Variants in ZNF827 observed in about 807,000 individuals in gnomAD.
ZNF827 encodes the protein zinc finger protein 827.
ZNF827 carries 13 observed loss-of-function variants against 102.4 expected under a neutral mutation model. The observed-to-expected ratio is 0.13, with a 90% CI of 0.08 to 0.20. ZNF827 has a LOEUF of 0.20. Among genes scored for constraint, ZNF827 ranks in the 10% least tolerant of loss-of-function variants. ZNF827 has a pLI of 1.00. For missense variants in ZNF827, 1,103 were observed against 1,344.4 expected (o/e 0.82, Z 2.81); for synonymous variants, 523 against 536.2 (o/e 0.98, Z 0.34).
chr4:145,768,901 A>T (rs1242690672), intron 11 of ZNF827, among the ~76,000 whole-genome samples: 1 of 26,440 alleles, frequency 3.8e-5, no homozygotes, highest in African/African-American at 1.1e-4. Context: ...ATATATATAT[A>T]TATATATATA....
At chr4:145,803,195 G>A (rs1741086227) in intron 8 of ZNF827, among the ~76,000 whole-genome samples, 1 of 151,936 alleles carries the variant, frequency 6.6e-6, no homozygotes, top group Non-Finnish European at 1.5e-5. Context: ...CTGTATCTGG[G>A]TTTTCTTCAA....
chr4:145,900,391 A>G (rs1038967204), intron 2 of ZNF827, among the ~76,000 whole-genome samples: 10 of 152,032 alleles, frequency 6.6e-5, no homozygotes, highest in African/African-American at 1.9e-4. Flanking sequence ...TGCAGAATAT[A>G]CATATATATA....
At chr4:145,818,164 C>G (rs1405324636) in intron 8 of ZNF827, among the ~76,000 whole-genome samples, 1 of 152,140 alleles carries the variant, frequency 6.6e-6, no homozygotes, top group Non-Finnish European at 1.5e-5. Context: ...ATGCCAACAG[C>G]TGCGGTAAAT....
At chr4:145,925,434 G>C (rs1252029745) in intron 1 of ZNF827, among the ~76,000 whole-genome samples, 3 of 152,140 alleles carry the variant, frequency 2.0e-5, no homozygotes. Context: ...CCATCTAACT[G>C]ATAGTATATG....
At chr4:145,878,240 T>C (rs1268209396) in intron 4 of ZNF827, among the ~76,000 whole-genome samples, 1 of 152,168 alleles carries the variant, frequency 6.6e-6, no homozygotes, top group South Asian at 2.1e-4. Context: ...AGTGTGACTT[T>C]GTAGCTCCTC....
chr4:145,829,696 T>C (rs1475772017), intron 7 of ZNF827, among the ~76,000 whole-genome samples: 1 of 152,212 alleles, frequency 6.6e-6, no homozygotes, highest in Non-Finnish European at 1.5e-5. Flanking sequence ...GTGTTCTTTC[T>C]CTAACCACTA....
intron 2 of ZNF827, among the ~76,000 whole-genome samples, chr4:145,901,269 T>C (rs1751387847): frequency 6.6e-6 from 1 of 152,220 alleles, no homozygotes; most frequent in South Asian, 2.1e-4. Context: ...CAGGATATCC[T>C]TAAGAGACAT....
chr4:145,785,124 T>G (rs1738658043), intron 8 of ZNF827, among the ~76,000 whole-genome samples: 1 of 152,212 alleles, frequency 6.6e-6, no homozygotes, highest in South Asian at 2.1e-4. Context: ...CCTTACAGTA[T>G]GGCTAGAAAA....
intron 3 of ZNF827, among the ~76,000 whole-genome samples, chr4:145,887,611 G>A (rs1012527121): frequency 3.3e-5 from 5 of 152,140 alleles, no homozygotes; most frequent in African/African-American, 1.2e-4. Context: ...TCCCTCTGCT[G>A]GGGTGGAGTG....
intron 8 of ZNF827, among the ~76,000 whole-genome samples, chr4:145,815,544 G>A (rs1044263251): frequency 1.3e-5 from 2 of 152,164 alleles, no homozygotes; most frequent in Non-Finnish European, 2.9e-5. Context: ...AATGAAAATA[G>A]ATGGTCTAGT....
intron 1 of ZNF827, among the ~76,000 whole-genome samples, chr4:145,908,093 A>C (rs1326052219): frequency 6.6e-6 from 1 of 152,210 alleles, no homozygotes; most frequent in Non-Finnish European, 1.5e-5. Context: ...TTTTAATCAG[A>C]TGCATTTAAT....
intron 5 of ZNF827, among the ~76,000 whole-genome samples, chr4:145,855,807 TC>T (rs1747039382): frequency 1.3e-5 from 2 of 152,276 alleles, no homozygotes; most frequent in East Asian, 3.9e-4. Context: ...CCTGAAGCCA[TC>T]CCCTCACCCT....
chr4:145,877,581 G>A (rs1310049350), intron 4 of ZNF827, among the ~76,000 whole-genome samples: 1 of 152,054 alleles, frequency 6.6e-6, no homozygotes, highest in Non-Finnish European at 1.5e-5. Context: ...ATCCCCACCT[G>A]AGCTAATCCT....
chr4:145,779,108 T>G (rs76834504), intron 9 of ZNF827, among the ~76,000 whole-genome samples: 1 of 152,226 alleles, frequency 6.6e-6, no homozygotes, highest in Admixed American at 6.5e-5. Context: ...ACATTTTTTT[T>G]AACAGAGTTT....
chr4:145,854,629 C>G (rs917264100), intron 5 of ZNF827, among the ~76,000 whole-genome samples: 1 of 152,222 alleles, frequency 6.6e-6, no homozygotes, highest in African/African-American at 2.4e-5. Context: ...GAGCACTCCT[C>G]CATGTGACTT....
Position 145,765,188 on chromosome 4 carries a change from T to C in ZNF827, c.3053-23A>G, listed in dbSNP as rs760716203. 1.6e-5 allele frequency: 25 copies of C among 1,582,862 alleles called. No individual in the cohort carries two copies. The highest frequency in any genetic ancestry group is 4.7e-5 in the South Asian group (4 of 84,284). Reference sequence around the variant, plus strand: ...ACCCTGCAAGGACCGAAGCTGGGTATAGAGGTGCACAGGGCAGCGGGGAGA... The same window carrying C: ...ACCCTGCAAGGACCGAAGCTGGGTACAGAGGTGCACAGGGCAGCGGGGAGA... On this transcript the variant is annotated intron_variant, in intron 12 of 14. Transcript: ENST00000508784. This position sits in a 1 kb window ranked among gnomAD's most constrained non-coding sequence, Gnocchi z 4.7.
intron 1 of ZNF827, among the ~76,000 whole-genome samples, chr4:145,926,951 A>C (rs1187316934): frequency 6.6e-6 from 1 of 151,728 alleles, no homozygotes; most frequent in Non-Finnish European, 1.5e-5. Flanking sequence ...CTCTTTCTAT[A>C]AATGTCACAA....
rs1734902288 is a variant in ZNF827, at chr4:145,764,000, T to G, written c.3231-878A>C. Among the ~76,000 whole-genome samples, 1 of 152,092 alleles carries G rather than the reference T, an allele frequency of 6.6e-6. No individual in the cohort carries two copies. The highest frequency in any genetic ancestry group is 1.5e-5 in the Non-Finnish European group (1 of 68,010). ...TGACCCCAACACTCCACTCCCAGGG[T>G]CTTTTCCATCTCTCCCTTCCTCACC... On this transcript the variant is annotated intron_variant, in intron 13 of 14. Coordinates refer to ENST00000508784, the MANE Select transcript of ZNF827 (RefSeq NM_001306215.2). The surrounding 1 kb of genome is among the most constrained non-coding windows in gnomAD (Gnocchi z 4.6).
intron 4 of ZNF827, among the ~76,000 whole-genome samples, chr4:145,883,194 G>C (rs910580135): frequency 1.3e-5 from 2 of 152,060 alleles, no homozygotes; most frequent in Admixed American, 6.5e-5. Context: ...AAAAATTAAG[G>C]ATGCATCTCA....
Sources: gnomAD v4.1 joint callset for allele counts (sites outside exome capture counted in the v4.1 genomes callset) on GRCh38, gnomAD v4.1.1 for gene constraint, Gnocchi (gnomAD v3.1) non-coding constraint, MANE v1.5 for transcripts, NCBI Gene and HGNC (gene_info 2026-07-23, HGNC 2026-07-21) for gene names.